The following LDLRAD3 variants were observed in gnomAD, a reference collection of about 807,000 sequenced individuals.
The protein encoded by LDLRAD3 is low density lipoprotein receptor class A domain containing 3.
In LDLRAD3, 20 loss-of-function variants were observed where a neutral mutation model predicts 29.4. That is an observed-to-expected ratio of 0.68 (90% CI 0.48 to 0.99). The LOEUF is 0.99. Ranked by LOEUF, LDLRAD3 falls within the 50% of genes least tolerant of loss-of-function variation. The pLI is 0.00. For synonymous variants in LDLRAD3, 157 were observed against 192.7 expected (o/e 0.81, Z 1.53); for missense variants, 420 against 454.3 (o/e 0.92, Z 0.69).
intron 2 of LDLRAD3, among the ~76,000 whole-genome samples, chr11:36,036,954 G>C (rs1244958270): frequency 5.3e-5 from 8 of 152,156 alleles, no homozygotes; most frequent in Non-Finnish European, 1.2e-4. Flanking sequence ...AGAGGCACCG[G>C]GGATGTGAGT....
intron 4 of LDLRAD3, chr11:36,184,023 G>A (rs1854807719): frequency 1.0e-5 from 3 of 301,194 alleles, no homozygotes; most frequent in Non-Finnish European, 1.9e-5. Context: ...CTGGAATGCA[G>A]TGGCACATCT....
intron 5 of LDLRAD3, among the ~76,000 whole-genome samples, 165 bp downstream of exon 5, chr11:36,227,595 T>C (rs562818348): frequency 5.9e-5 from 9 of 152,190 alleles, no homozygotes; most frequent in African/African-American, 1.9e-4. Flanking sequence ...ATTCTCTACA[T>C]GTATCACCTC....
chr11:36,144,508 C>T (rs942217222), intron 4 of LDLRAD3, among the ~76,000 whole-genome samples: 1 of 150,826 alleles, frequency 6.6e-6, no homozygotes, highest in Non-Finnish European at 1.5e-5. Flanking sequence ...GGCCGCCCAT[C>T]GTCTGAGATG....
intron 4 of LDLRAD3, among the ~76,000 whole-genome samples, chr11:36,147,067 C>T (rs1268744122): frequency 1.5e-5 from 2 of 133,766 alleles, no homozygotes; most frequent in African/African-American, 2.8e-5. Flanking sequence ...GGATTACAGG[C>T]GTTAGCCACC....
At chr11:36,154,246 G>A (rs1261671091) in intron 4 of LDLRAD3, among the ~76,000 whole-genome samples, 2 of 152,078 alleles carry the variant, frequency 1.3e-5, no homozygotes, top group Non-Finnish European at 2.9e-5. Context: ...TAAACATCTG[G>A]GGGACTTAAA....
intron 4 of LDLRAD3, among the ~76,000 whole-genome samples, chr11:36,171,580 T>A (rs1854599314): frequency 6.6e-6 from 1 of 151,992 alleles, no homozygotes; most frequent in African/African-American, 2.4e-5. Flanking sequence ...TGTTGTTGTT[T>A]GCTTTCCCCA....
intron 5 of LDLRAD3, 126 bp downstream of exon 5, chr11:36,227,556 G>A: frequency 1.5e-6 from 1 of 670,356 alleles, no homozygotes; most frequent in Non-Finnish European, 2.4e-6. Context: ...GGCAGTGGCA[G>A]CATCTGACAT....
intron 4 of LDLRAD3, among the ~76,000 whole-genome samples, chr11:36,173,391 G>A (rs1854626625): frequency 7.5e-6 from 1 of 132,802 alleles, no homozygotes; most frequent in African/African-American, 2.9e-5. Context: ...CTGTGTCCAA[G>A]TATTATCATT....
chr11:36,215,428 A>G (rs562615392), intron 4 of LDLRAD3, among the ~76,000 whole-genome samples: 1 of 152,310 alleles, frequency 6.6e-6, no homozygotes, highest in Non-Finnish European at 1.5e-5. Flanking sequence ...GAGTGGAGGC[A>G]GGTGGAAGGG....
chr11:35,988,945 T>G (rs1489750479), intron 1 of LDLRAD3: 2 of 152,186 alleles, frequency 1.3e-5, no homozygotes, highest in Non-Finnish European at 2.9e-5. Flanking sequence ...CTATAAATTC[T>G]TTGCCAAGAC....
chr11:36,040,512 C>G (rs1353596091), intron 2 of LDLRAD3, among the ~76,000 whole-genome samples: 1 of 152,034 alleles, frequency 6.6e-6, no homozygotes, highest in African/African-American at 2.4e-5. Context: ...TTCTGTATCT[C>G]CCCCCATTTT....
intron 4 of LDLRAD3, among the ~76,000 whole-genome samples, chr11:36,161,244 T>C (rs1376284239): frequency 6.6e-6 from 1 of 152,186 alleles, no homozygotes; most frequent in Non-Finnish European, 1.5e-5. Flanking sequence ...GCACTGTGTG[T>C]AAAGTACATT....
At chr11:36,188,370 G>GC (rs1554972240) in intron 4 of LDLRAD3, among the ~76,000 whole-genome samples, 3 of 11,182 alleles carry the variant, frequency 2.7e-4, no homozygotes, top group Non-Finnish European at 6.1e-4. Flanking sequence ...AGGAAAACCA[G>GC]CAAAAAAAAA....
At chr11:35,969,315 T>C (rs368234321) in intron 1 of LDLRAD3, among the ~76,000 whole-genome samples, 1 of 152,318 alleles carries the variant, frequency 6.6e-6, no homozygotes, top group East Asian at 1.9e-4. Flanking sequence ...GCCATTTTCC[T>C]CTTTTAATGG....
At chr11:36,065,367 C>T (rs1852774972) in intron 2 of LDLRAD3, among the ~76,000 whole-genome samples, 2 of 151,992 alleles carry the variant, frequency 1.3e-5, no homozygotes, top group Non-Finnish European at 2.9e-5. Flanking sequence ...TTTAAGCCTC[C>T]CAGGCTATTC....
intron 1 of LDLRAD3, among the ~76,000 whole-genome samples, chr11:35,960,355 A>G (rs1217130419): frequency 6.6e-6 from 1 of 152,240 alleles, no homozygotes; most frequent in East Asian, 1.9e-4. Context: ...ATTTTTGTGC[A>G]TAATAGCAGG....
chr11:35,968,205 A>C, intron 1 of LDLRAD3: 1 of 407,058 alleles, frequency 2.5e-6, no homozygotes, highest in Non-Finnish European at 4.8e-6. Flanking sequence ...ACTGGATTGA[A>C]GGAATAATTT....
chr11:36,154,314 C>T (rs2133330783), intron 4 of LDLRAD3, among the ~76,000 whole-genome samples: 1 of 152,274 alleles, frequency 6.6e-6, no homozygotes, highest in Non-Finnish European at 1.5e-5. Context: ...GCGGGTGAGC[C>T]AGGACAGGTA....
chr11:35,995,852 T>C (rs906194358), intron 1 of LDLRAD3, among the ~76,000 whole-genome samples: 8 of 152,206 alleles, frequency 5.3e-5, no homozygotes, highest in African/African-American at 1.9e-4. Flanking sequence ...GCTTTAAACT[T>C]TCCTTCTGCA....
Sources: allele counts gnomAD v4.1 joint callset (sites outside exome capture counted in the v4.1 genomes callset), GRCh38; gene constraint gnomAD v4.1.1; transcripts MANE v1.5; gene names NCBI Gene and HGNC (gene_info 2026-07-23, HGNC 2026-07-21).